PDE4B: variants seen among roughly 807,000 people sequenced by gnomAD.
PDE4B encodes the protein 3',5'-cyclic-AMP phosphodiesterase 4B.
PDE4B carries 20 observed loss-of-function variants against 82.2 expected under a neutral mutation model. The ratio of observed to expected loss-of-function variants is 0.24; its 90% confidence interval spans 0.17 to 0.35. The LOEUF (loss-of-function observed/expected upper bound fraction) is 0.35, where lower values mean the gene tolerates loss of function less well. Ranked by LOEUF, PDE4B falls within the 10% of genes least tolerant of loss-of-function variation. The pLI, the probability that PDE4B is intolerant of heterozygous loss-of-function variation, is 1.00. For synonymous variants in PDE4B, 320 were observed against 318.9 expected, an observed-to-expected ratio of 1.00 and a Z score of -0.04; for missense variants, 655 against 907.2, an observed-to-expected ratio of 0.72 and a Z score of 3.57.
intron 3 of PDE4B, among the ~76,000 whole-genome samples, chr1:65,935,652 A>G (rs1282190471): frequency 1.3e-5 from 2 of 152,252 alleles, no homozygotes; most frequent in Non-Finnish European, 2.9e-5. Flanking sequence ...AGTTTAAAAC[A>G]CAAACACAGC....
At chr1:65,995,599 C>T (rs548281977) in intron 3 of PDE4B, among the ~76,000 whole-genome samples, 1 of 152,118 alleles carries the variant, frequency 6.6e-6, no homozygotes, top group East Asian at 1.9e-4. Context: ...CTTGAGTTTC[C>T]AAAAAATTTC....
chr1:65,889,813 G>A (rs1241133245), intron 1 of PDE4B, among the ~76,000 whole-genome samples: 1 of 152,096 alleles, frequency 6.6e-6, no homozygotes, highest in Non-Finnish European at 1.5e-5. Flanking sequence ...ATTGTGTTCA[G>A]TAGACATCTT....
intron 4 of PDE4B, among the ~76,000 whole-genome samples, chr1:66,251,087 C>T (rs921004345): frequency 6.6e-6 from 1 of 152,212 alleles, no homozygotes; most frequent in Non-Finnish European, 1.5e-5. Flanking sequence ...TAGACTTACA[C>T]CATCACACTT....
At chr1:65,974,861 ATTATACCTCTTT>A (rs1217041319) in intron 3 of PDE4B, among the ~76,000 whole-genome samples, 4 of 152,138 alleles carry the variant, frequency 2.6e-5, no homozygotes, top group Non-Finnish European at 4.4e-5. Context: ...CTGTCAGTCA[ATTATACCTCTTT>A]TTTTCATAAA....
intron 3 of PDE4B, among the ~76,000 whole-genome samples, chr1:65,952,408 C>T (rs1006758472): frequency 3.9e-5 from 6 of 151,992 alleles, no homozygotes; most frequent in South Asian, 4.2e-4. Context: ...AGGCCAGGCG[C>T]GATGGCTCAT....
At position 66,372,669 on chromosome 1, in the gene PDE4B, G is replaced by T; in HGVS notation, c.2202G>T (p.Val734=). 1 of 1,611,196 alleles carries T rather than the reference G, an allele frequency of 6.2e-7. No individual in the cohort carries two copies. Among genetic ancestry groups the T allele is most frequent in the South Asian group, 1.1e-5 (1 of 90,784 alleles). Residue 734 remains valine (V), a synonymous_variant, in exon 17 of 17, where the codon GTG becomes GTT. Transcript: ENST00000341517. ...TTGCAACAGAAGACAAGTCCCCCGT[G>T]GATACATAATCCCCCTCTCCCTGTG... ...IDIATEDKSP[V]DT is the part of the protein sequence containing the mutation.
At chr1:65,893,507 A>G (rs1026087689) in intron 1 of PDE4B, among the ~76,000 whole-genome samples, 1 of 152,118 alleles carries the variant, frequency 6.6e-6, no homozygotes, top group African/African-American at 2.4e-5. Context: ...AGATGTTGGC[A>G]TGGATGTGGT....
chr1:65,868,702 G>A (rs1192640969), intron 1 of PDE4B, among the ~76,000 whole-genome samples: 1 of 152,168 alleles, frequency 6.6e-6, no homozygotes, highest in Non-Finnish European at 1.5e-5. Flanking sequence ...GGCCTGTTAG[G>A]AATTGGGCCA....
chr1:65,887,422 T>TTTG (rs1375217979), intron 1 of PDE4B, among the ~76,000 whole-genome samples: 1 of 64,628 alleles, frequency 1.5e-5, no homozygotes, highest in Non-Finnish European at 2.8e-5. Flanking sequence ...CTGTTTTTTT[T>TTTG]TTTTTTTTTT....
intron 3 of PDE4B, chr1:66,050,463 T>C (rs1654960817): frequency 6.6e-6 from 1 of 152,084 alleles, no homozygotes; most frequent in Admixed American, 6.6e-5. Context: ...TCTCCATATA[T>C]ATTTAGTGAT....
intron 3 of PDE4B, among the ~76,000 whole-genome samples, chr1:66,159,675 C>T (rs1305838260): frequency 6.6e-6 from 1 of 152,126 alleles, no homozygotes; most frequent in East Asian, 1.9e-4. Flanking sequence ...TGCCTGGTGC[C>T]TCAAATCCTC....
intron 1 of PDE4B, among the ~76,000 whole-genome samples, chr1:65,860,526 T>C (rs889630726): frequency 2.6e-5 from 4 of 152,348 alleles, no homozygotes; most frequent in Non-Finnish European, 4.4e-5. Context: ...TGTGTCTTTA[T>C]AGTAGAATGA....
At chr1:65,847,448 A>G (rs139578087) in intron 1 of PDE4B, among the ~76,000 whole-genome samples, 1 of 152,224 alleles carries the variant, frequency 6.6e-6, no homozygotes, top group African/African-American at 2.4e-5. Context: ...ATTCAAACAT[A>G]TGAGCAGATT....
At chr1:65,980,388 T>G (rs1230573062) in intron 3 of PDE4B, among the ~76,000 whole-genome samples, 1 of 152,212 alleles carries the variant, frequency 6.6e-6, no homozygotes, top group African/African-American at 2.4e-5. Flanking sequence ...ATCTTTAGTC[T>G]TCAGCTGTTG....
chr1:66,094,021 T>A (rs1038819123), intron 3 of PDE4B, among the ~76,000 whole-genome samples: 1 of 151,996 alleles, frequency 6.6e-6, no homozygotes, highest in African/African-American at 2.4e-5. Flanking sequence ...TCATGGGAAA[T>A]AGACAAAAAC....
At chr1:65,971,668 CG>C (rs1557468061) in intron 3 of PDE4B, among the ~76,000 whole-genome samples, 2 of 151,972 alleles carry the variant, frequency 1.3e-5, no homozygotes, top group African/African-American at 4.8e-5. Flanking sequence ...CAACTATTTC[CG>C]AAGTAGAATA....
chr1:66,360,882 C>A (rs1407986257), intron 9 of PDE4B: 2 of 151,824 alleles, frequency 1.3e-5, no homozygotes, highest in Non-Finnish European at 2.9e-5. Context: ...TATTTAATAA[C>A]CTTAAACATG....
chr1:65,941,524 A>C (rs190434047), intron 3 of PDE4B, among the ~76,000 whole-genome samples: 1 of 151,988 alleles, frequency 6.6e-6, no homozygotes, highest in Admixed American at 6.6e-5. Flanking sequence ...CAGAGGAAAA[A>C]CCAGAAAGGA....
intron 3 of PDE4B, among the ~76,000 whole-genome samples, chr1:66,218,428 A>G (rs142552358): frequency 1.2e-3 from 181 of 152,154 alleles, no homozygotes; most frequent in African/African-American, 3.9e-3. Context: ...AAGTACAAAG[A>G]AGGGAGGTAG....
Sources: gnomAD v4.1 joint callset for allele counts (sites outside exome capture counted in the v4.1 genomes callset) on GRCh38, gnomAD v4.1.1 for gene constraint, MANE v1.5 for transcripts, NCBI Gene and HGNC (gene_info 2026-07-23, HGNC 2026-07-21) for gene names.